CDH4: variants seen among roughly 807,000 people sequenced by gnomAD.
CDH4 encodes cadherin 4.
In CDH4, 33 loss-of-function variants were observed where a neutral mutation model predicts 86.0. That is an observed-to-expected ratio of 0.38 (90% CI 0.29 to 0.51). The LOEUF is 0.51. Among genes scored for constraint, CDH4 ranks in the 20% least tolerant of loss-of-function variants. The pLI is 0.86. For missense variants in CDH4, 1,114 were observed against 1,307.4 expected (o/e 0.85, Z 2.28); for synonymous variants, 555 against 549.4 (o/e 1.01, Z -0.14).
At chr20:61,667,274 C>G (rs1295775744) in intron 2 of CDH4, among the ~76,000 whole-genome samples, 1 of 152,228 alleles carries the variant, frequency 6.6e-6, no homozygotes, top group Non-Finnish European at 1.5e-5. Context: ...CGGGATGGCC[C>G]TGCTCACGGA....
chr20:61,444,815 G>C (rs1252875376), intron 2 of CDH4, among the ~76,000 whole-genome samples: 2 of 152,002 alleles, frequency 1.3e-5, no homozygotes, highest in Admixed American at 1.3e-4. Flanking sequence ...GTGTATCTTT[G>C]TGTGTCTTTG....
chr20:61,318,318 TCAGCTGACCAG>T (rs1287424363), intron 2 of CDH4, among the ~76,000 whole-genome samples: 1 of 152,224 alleles, frequency 6.6e-6, no homozygotes, highest in Admixed American at 6.5e-5. Context: ...TTCACAGTGC[TCAGCTGACCAG>T]CAGTGAGTGC....
chr20:61,348,268 G>T (rs565796720), intron 2 of CDH4, among the ~76,000 whole-genome samples: 1 of 152,158 alleles, frequency 6.6e-6, no homozygotes, highest in African/African-American at 2.4e-5. Context: ...AGGCAAAAGA[G>T]CATGTGCAGG....
intron 3 of CDH4, among the ~76,000 whole-genome samples, chr20:61,771,764 C>T (rs1308254393): frequency 6.6e-6 from 1 of 152,034 alleles, no homozygotes; most frequent in Admixed American, 6.6e-5. Flanking sequence ...TATAATATTC[C>T]AAGACATGAA....
In CDH4 at chr20:61,345,611, G is replaced by A. The variant is rs77292478; in HGVS notation, c.169+90674G>A. Among the ~76,000 whole-genome samples, 134 of 152,332 alleles carry A rather than the reference G, an allele frequency of 8.8e-4. 1 individual carries two copies. Among genetic ancestry groups the A allele is most frequent in the African/African-American group, 2.8e-3 (118 of 41,568 alleles). On this transcript the variant is annotated intron_variant, in intron 2 of 15. Transcript: ENST00000614565. Reference sequence around the variant, plus strand: ...ACGATGCCTTCATCTTATTAGACAAGGAAATGTTGATTCACTGCCTGTCAG... The same window carrying A: ...ACGATGCCTTCATCTTATTAGACAAAGAAATGTTGATTCACTGCCTGTCAG...
chr20:61,687,041 C>T (rs2087589230), intron 2 of CDH4, among the ~76,000 whole-genome samples: 2 of 151,118 alleles, frequency 1.3e-5, no homozygotes, highest in Non-Finnish European at 2.9e-5. Flanking sequence ...TGCTGGAAGT[C>T]TCTGCTCCGA....
chr20:61,620,923 T>G (rs1260366035), intron 2 of CDH4, among the ~76,000 whole-genome samples: 1 of 152,244 alleles, frequency 6.6e-6, no homozygotes. Flanking sequence ...TGAGAGGCGC[T>G]TCTTCCACGC....
At chr20:61,374,187 C>T (rs551954444) in intron 2 of CDH4, among the ~76,000 whole-genome samples, 2 of 152,296 alleles carry the variant, frequency 1.3e-5, no homozygotes, top group South Asian at 4.1e-4. Context: ...CTGAGGAGCT[C>T]GCTGTCTGAA....
chr20:61,466,693 A>G (rs2085473425), intron 2 of CDH4, among the ~76,000 whole-genome samples: 1 of 151,998 alleles, frequency 6.6e-6, no homozygotes. Flanking sequence ...ATACAAAAGT[A>G]TTAAAAAAAT....
intron 2 of CDH4, among the ~76,000 whole-genome samples, chr20:61,606,635 T>C (rs2086647707): frequency 6.6e-6 from 1 of 152,252 alleles, no homozygotes; most frequent in South Asian, 2.1e-4. Context: ...TGGTGTGGCC[T>C]CAGTGGCCTG....
At chr20:61,254,452 T>A (rs972973539) in intron 1 of CDH4, among the ~76,000 whole-genome samples, 3 of 152,242 alleles carry the variant, frequency 2.0e-5, no homozygotes, top group Non-Finnish European at 4.4e-5. Flanking sequence ...GCCCACACTT[T>A]GGCCTCCCTG....
At chr20:61,315,986 G>T (rs2084474170) in intron 2 of CDH4, among the ~76,000 whole-genome samples, 1 of 152,128 alleles carries the variant, frequency 6.6e-6, no homozygotes, top group Admixed American at 6.5e-5. Flanking sequence ...AAGGGAACAG[G>T]CGATTTCCAC....
At chr20:61,820,854 C>A (rs1980985306) in intron 4 of CDH4, among the ~76,000 whole-genome samples, 1 of 152,134 alleles carries the variant, frequency 6.6e-6, no homozygotes, top group Non-Finnish European at 1.5e-5. Flanking sequence ...GCTGTGCCCC[C>A]TTCAGGCCCA....
intron 2 of CDH4, among the ~76,000 whole-genome samples, chr20:61,483,394 T>TC (rs2085578465): frequency 1.3e-5 from 2 of 152,278 alleles, no homozygotes; most frequent in Middle Eastern, 3.4e-3. Context: ...CATCAGTGTC[T>TC]CCCTTGAGTT....
intron 2 of CDH4, chr20:61,570,657 G>A: frequency 2.8e-6 from 2 of 702,366 alleles, no homozygotes; most frequent in Non-Finnish European, 5.2e-6. Flanking sequence ...CAATGGTATT[G>A]GGCTGTGGAT....
At chr20:61,579,380 G>A (rs1027920982) in intron 2 of CDH4, among the ~76,000 whole-genome samples, 3 of 146,806 alleles carry the variant, frequency 2.0e-5, no homozygotes, top group Admixed American at 1.4e-4. Flanking sequence ...TCCTCCTCCC[G>A]GGTTCAAGTG....
At chr20:61,465,113 G>T (rs891797668) in intron 2 of CDH4, among the ~76,000 whole-genome samples, 1 of 152,282 alleles carries the variant, frequency 6.6e-6, no homozygotes, top group Admixed American at 6.5e-5. Flanking sequence ...CTTTGATCTG[G>T]CATACAGAAT....
At chr20:61,776,559 C>T (rs79713164) in intron 4 of CDH4, among the ~76,000 whole-genome samples, 5,948 of 152,320 alleles carry the variant, frequency 0.039, 392 homozygotes, top group African/African-American at 0.13. Flanking sequence ...GCAGCCCCTG[C>T]AGGCAGGGTC....
chr20:61,307,205 T>C (rs2084421993), intron 2 of CDH4, among the ~76,000 whole-genome samples: 1 of 152,242 alleles, frequency 6.6e-6, no homozygotes, highest in Non-Finnish European at 1.5e-5. Flanking sequence ...GATCTGCAGT[T>C]GGAGCTTGCA....
Sources: gnomAD v4.1 joint callset for allele counts (sites outside exome capture counted in the v4.1 genomes callset) on GRCh38, gnomAD v4.1.1 for gene constraint, MANE v1.5 for transcripts, NCBI Gene and HGNC (gene_info 2026-07-23, HGNC 2026-07-21) for gene names.